Variants in PAN3 observed in about 807,000 individuals in gnomAD.
PAN3 encodes the protein PAN2-PAN3 deadenylation complex subunit PAN3.
PAN3 carries 19 observed loss-of-function variants against 96.2 expected under a neutral mutation model. The ratio of observed to expected loss-of-function variants is 0.20; its 90% CI spans 0.14 to 0.29. PAN3 has a LOEUF of 0.29. PAN3 is among the 10% of genes least tolerant of loss of function. The probability of loss-of-function intolerance (pLI) is 1.00; values close to 1 mark genes in which losing one functional copy is unlikely to be tolerated. For synonymous variants in PAN3, 433 were observed against 406.6 expected (o/e 1.06, Z -0.78); for missense variants, 882 against 1,108.1 (o/e 0.80, Z 2.90).
intron 7 of PAN3, among the ~76,000 whole-genome samples, chr13:28,257,651 A>G (rs1240162021): frequency 2.2e-5 from 3 of 138,352 alleles, no homozygotes; most frequent in Middle Eastern, 3.5e-3. Context: ...TGTAAAATAC[A>G]TATATATTTT....
At chr13:28,192,007 G>GA (rs977945949) in intron 4 of PAN3, among the ~76,000 whole-genome samples, 9 of 151,270 alleles carry the variant, frequency 5.9e-5, no homozygotes, top group African/African-American at 2.2e-4. Context: ...AAAGTGCTGG[G>GA]ATTACAGGCA....
At chr13:28,204,060 T>C (rs1593467127) in intron 5 of PAN3, among the ~76,000 whole-genome samples, 1 of 151,734 alleles carries the variant, frequency 6.6e-6, no homozygotes, top group Non-Finnish European at 1.5e-5. Flanking sequence ...CTGCCCACCT[T>C]GGCCTCCCAA....
intron 5 of PAN3, among the ~76,000 whole-genome samples, chr13:28,201,438 T>A (rs972474497): frequency 4.1e-4 from 62 of 152,142 alleles, no homozygotes; most frequent in African/African-American, 1.5e-3. Context: ...CCCAGCTACT[T>A]GGGAGGCTGA....
At chr13:28,208,476 G>A (rs1205809027) in intron 5 of PAN3, among the ~76,000 whole-genome samples, 1 of 152,028 alleles carries the variant, frequency 6.6e-6, no homozygotes, top group East Asian at 1.9e-4. Context: ...ATTCTTTTAA[G>A]TACAGGTTCA....
intron 5 of PAN3, among the ~76,000 whole-genome samples, chr13:28,202,889 C>T (rs1878907351): frequency 6.6e-6 from 1 of 152,110 alleles, no homozygotes. Flanking sequence ...GCAAAAACTG[C>T]AATTACTTTT....
intron 1 of PAN3, among the ~76,000 whole-genome samples, chr13:28,155,178 A>G (rs1593371700): frequency 6.6e-6 from 1 of 152,156 alleles, no homozygotes; most frequent in South Asian, 2.1e-4. Context: ...TCTGCAGGTA[A>G]CTCACTGTTT....
chr13:28,214,730 A>G, intron 5 of PAN3: 3 of 513,810 alleles, frequency 5.8e-6, no homozygotes, highest in African/African-American at 1.9e-5. Context: ...TGGTCTCACT[A>G]TTGATATCTC....
chr13:28,214,678 G>A, intron 5 of PAN3: 2 of 451,962 alleles, frequency 4.4e-6, no homozygotes, highest in Non-Finnish European at 8.2e-6. Flanking sequence ...GCTCCTTCAA[G>A]TATTCCTGGG....
intron 5 of PAN3, chr13:28,215,266 A>G: frequency 1.4e-6 from 1 of 707,974 alleles, no homozygotes. Context: ...CAGCCTCTCC[A>G]GGGTGTCTAC....
intron 1 of PAN3, among the ~76,000 whole-genome samples, chr13:28,166,559 C>A (rs1873569962): frequency 6.6e-6 from 1 of 152,166 alleles, no homozygotes; most frequent in South Asian, 2.1e-4. Context: ...GTTCTGAGGT[C>A]TCTGGGGGCA....
rs988468950 is a variant in PAN3 at position 28,143,439 on chromosome 13, A to G, written c.430+4352A>G. 1.3e-4 allele frequency among the ~76,000 whole-genome samples: 20 copies of G among 152,336 alleles called. 2 individuals carry two copies. Among genetic ancestry groups the G allele is most frequent in the Admixed American group, 9.8e-4 (15 of 15,296 alleles). ...AATTTTTAACAGGTAAAATATGCCAATATTTGTATTTTATGTACATTATTT... is the reference window on the plus strand; with the variant it reads ...AATTTTTAACAGGTAAAATATGCCAGTATTTGTATTTTATGTACATTATTT... On this transcript the variant is annotated intron_variant, in intron 1 of 18. Transcript: ENST00000380958.
In PAN3 at chr13:28,292,317, G is replaced by A. The variant is rs1593652454; in HGVS notation, c.2524-65G>A. ...TTTAGATATTTTATTTATTTTTGCTGCAAACGTAGATAAATTCTTTTCTGC... is the reference window on the plus strand; with the variant it reads ...TTTAGATATTTTATTTATTTTTGCTACAAACGTAGATAAATTCTTTTCTGC... On this transcript the variant is annotated intron_variant, in intron 18 of 18. Coordinates refer to ENST00000380958, the MANE Select transcript of PAN3 (RefSeq NM_175854.8). 9 of 1,444,892 alleles carry A rather than the reference G, an allele frequency of 6.2e-6. No individual in the cohort carries two copies. The East Asian group carries it at 7.2e-5, about 12-fold the overall frequency. 89.5% of individuals were successfully genotyped at this position (1,444,892 alleles called of 1,614,324 possible).
intron 3 of PAN3, among the ~76,000 whole-genome samples, chr13:28,177,571 A>C (rs897039836): frequency 2.6e-5 from 4 of 152,074 alleles, no homozygotes; most frequent in African/African-American, 9.7e-5. Context: ...TACTGCCTTC[A>C]TAAACACACT....
intron 1 of PAN3, among the ~76,000 whole-genome samples, chr13:28,172,938 A>G (rs1457847540): frequency 6.6e-6 from 1 of 152,194 alleles, no homozygotes; most frequent in Non-Finnish European, 1.5e-5. Context: ...GAGGGTTGCA[A>G]CCCAGGAGCA....
At chr13:28,227,585 T>G (rs983789340) in intron 6 of PAN3, among the ~76,000 whole-genome samples, 2 of 152,186 alleles carry the variant, frequency 1.3e-5, no homozygotes, top group Non-Finnish European at 2.9e-5. Context: ...GTTTCTGTGT[T>G]TTAGAGTCTT....
At chr13:28,257,844 G>A (rs959276977) in intron 7 of PAN3, among the ~76,000 whole-genome samples, 5 of 146,120 alleles carry the variant, frequency 3.4e-5, no homozygotes, top group Non-Finnish European at 6.0e-5. Flanking sequence ...ATGGATGTTC[G>A]CTATTTCACC....
Position 28,287,984 on chromosome 13 carries a change from G to A in PAN3, c.2385G>A (p.Glu795=). The change falls in exon 18 of 19, where the codon GAG becomes GAA. Residue 795 remains glutamate (E), a splice_region_variant and synonymous_variant. Coordinates refer to ENST00000380958, the MANE Select transcript of PAN3 (RefSeq NM_175854.8). ...AKLGTINERP[E]FQKDPTWSET... Reference sequence around the variant, plus strand: ...GAGGTAAAATGTTCATTTCCCCCAGGTTTCAGAAGGATCCCACTTGGTCAG... The same window carrying A: ...GAGGTAAAATGTTCATTTCCCCCAGATTTCAGAAGGATCCCACTTGGTCAG... The A allele has an allele frequency of 6.2e-7, 1 of 1,606,200 alleles. No homozygotes were observed. Among genetic ancestry groups the A allele is most frequent in the Non-Finnish European group, 8.5e-7 (1 of 1,177,614 alleles).
At chr13:28,193,989 T>C (rs1247618473) in intron 4 of PAN3, among the ~76,000 whole-genome samples, 1 of 151,866 alleles carries the variant, frequency 6.6e-6, no homozygotes, top group Non-Finnish European at 1.5e-5. Context: ...AAACCCCGTC[T>C]CTAATAAAAA....
At chr13:28,288,858 T>TTTCG (rs34857237) in intron 18 of PAN3, among the ~76,000 whole-genome samples, 2 of 138,160 alleles carry the variant, frequency 1.4e-5, no homozygotes, top group African/African-American at 5.5e-5. Flanking sequence ...TGAGACGGAG[T>TTTCG]CTCTGTCACC....
Sources: allele counts gnomAD v4.1 joint callset (sites outside exome capture counted in the v4.1 genomes callset), GRCh38; gene constraint gnomAD v4.1.1; transcripts MANE v1.5; gene names NCBI Gene and HGNC (gene_info 2026-07-23, HGNC 2026-07-21).